TSHZ2: variants seen among roughly 807,000 people sequenced by gnomAD.
TSHZ2 encodes the protein teashirt homolog 2.
In TSHZ2, 21 loss-of-function variants were observed where a neutral mutation model predicts 74.4. That is an observed-to-expected ratio of 0.28 (90% CI 0.20 to 0.41). The LOEUF is 0.41. TSHZ2 is among the 10% of genes least tolerant of loss of function. The pLI is 1.00. For missense variants in TSHZ2, 1,244 were observed against 1,293.5 expected (o/e 0.96, Z 0.59); for synonymous variants, 540 against 515.3 (o/e 1.05, Z -0.65).
chr20:53,139,270 C>G (rs1436156228), intron 1 of TSHZ2, among the ~76,000 whole-genome samples: 1 of 152,196 alleles, frequency 6.6e-6, no homozygotes, highest in African/African-American at 2.4e-5. Context: ...GCAGTATCAC[C>G]TGCTAGTACA....
At chr20:53,446,795 G>A (rs575080752) in intron 2 of TSHZ2, among the ~76,000 whole-genome samples, 1 of 152,102 alleles carries the variant, frequency 6.6e-6, no homozygotes, top group Non-Finnish European at 1.5e-5. Flanking sequence ...ACTCTCTAGT[G>A]GGGGCACAAA....
chr20:53,096,655 G>T (rs1266520292), intron 1 of TSHZ2, among the ~76,000 whole-genome samples: 1 of 151,956 alleles, frequency 6.6e-6, no homozygotes, highest in Non-Finnish European at 1.5e-5. Context: ...GGCCGAGGGG[G>T]GTGGATCACC....
In TSHZ2 at chr20:53,494,456, A is replaced by G. The variant is rs1268331832; in HGVS notation, c.*7321A>G. The G allele has an allele frequency of 1.3e-5, 2 of 152,108 alleles. No homozygotes were observed. The highest frequency in any genetic ancestry group is 2.9e-5 in the Non-Finnish European group (2 of 68,022). The allele number at this position is 152,108 out of a possible 1,614,324, so 9.4% of individuals were successfully genotyped here. A position where few individuals can be genotyped will look rare whatever the true frequency, so the allele number is the denominator to read the frequency against. The stretch of plus-strand genomic sequence containing the variant: ...AGCGTCCCCTTGCTGAATAAAAATG[A>G]CTTTGTTTGGAGGCACTTAAGATGT... On this transcript the variant is annotated 3_prime_UTR_variant, in exon 3 of 3. Transcript: ENST00000371497.
intron 1 of TSHZ2, among the ~76,000 whole-genome samples, chr20:53,190,878 G>A (rs1040382647): frequency 2.6e-5 from 4 of 152,204 alleles, no homozygotes; most frequent in African/African-American, 9.7e-5. Context: ...AAGGACAAAG[G>A]CTGGGATGTT....
At chr20:53,130,670 A>T (rs1472382811) in intron 1 of TSHZ2, among the ~76,000 whole-genome samples, 2 of 152,164 alleles carry the variant, frequency 1.3e-5, no homozygotes, top group Non-Finnish European at 2.9e-5. Flanking sequence ...AACAGGGTCG[A>T]CTGATTTCAG....
At chr20:52,986,415 A>AAG (rs1555812018) in intron 1 of TSHZ2, among the ~76,000 whole-genome samples, 21 of 139,882 alleles carry the variant, frequency 1.5e-4, no homozygotes, top group African/African-American at 5.1e-4. Context: ...AAAAAAAAAA[A>AAG]AAAGAAAGAA....
At chr20:52,996,929 G>A (rs1982218546) in intron 1 of TSHZ2, among the ~76,000 whole-genome samples, 1 of 152,186 alleles carries the variant, frequency 6.6e-6, no homozygotes. Flanking sequence ...CAAGCTGCTG[G>A]CAAAGGTAAT....
intron 2 of TSHZ2, among the ~76,000 whole-genome samples, chr20:53,470,536 C>T (rs1241131380): frequency 6.6e-6 from 1 of 152,140 alleles, no homozygotes; most frequent in Non-Finnish European, 1.5e-5. Flanking sequence ...TAACACTTGG[C>T]CGGGCGCGGT....
intron 1 of TSHZ2, among the ~76,000 whole-genome samples, chr20:53,159,568 T>C (rs1486002036): frequency 3.3e-5 from 5 of 152,084 alleles, no homozygotes; most frequent in African/African-American, 1.2e-4. Context: ...ACACACATAA[T>C]GTCTATTCTT....
chr20:52,991,759 G>A (rs1422012835), intron 1 of TSHZ2, among the ~76,000 whole-genome samples: 1 of 148,200 alleles, frequency 6.7e-6, no homozygotes, highest in Non-Finnish European at 1.5e-5. Context: ...TCTGATGCAT[G>A]ATTTTGTGTG....
intron 1 of TSHZ2, among the ~76,000 whole-genome samples, chr20:53,027,037 A>G (rs1326141061): frequency 6.6e-6 from 1 of 151,960 alleles, no homozygotes; most frequent in East Asian, 1.9e-4. Flanking sequence ...ATTAAATAGT[A>G]CTCTAATGTA....
intron 1 of TSHZ2, among the ~76,000 whole-genome samples, chr20:53,075,443 G>A (rs1470235257): frequency 6.6e-6 from 1 of 152,170 alleles, no homozygotes; most frequent in Admixed American, 6.6e-5. Flanking sequence ...TAGGAAAATA[G>A]GGACACGAAG....
chr20:53,411,712 C>G (rs1239730760), intron 2 of TSHZ2, among the ~76,000 whole-genome samples: 1 of 151,928 alleles, frequency 6.6e-6, no homozygotes, highest in Non-Finnish European at 1.5e-5. Context: ...GCATGTAATC[C>G]CAGCTGCATG....
chr20:53,460,291 C>A (rs1258741866), intron 2 of TSHZ2, among the ~76,000 whole-genome samples: 1 of 151,584 alleles, frequency 6.6e-6, no homozygotes, highest in Non-Finnish European at 1.5e-5. Flanking sequence ...TCCCTTCTCG[C>A]TTCATTTCAT....
At chr20:53,280,759 C>A (rs1991044089) in intron 2 of TSHZ2, among the ~76,000 whole-genome samples, 1 of 152,072 alleles carries the variant, frequency 6.6e-6, no homozygotes, top group Non-Finnish European at 1.5e-5. Context: ...GTGGCGCGAT[C>A]TCAGCTCACT....
rs1482353798 is a variant in TSHZ2 at position 53,254,199 on chromosome 20, G to A, written c.741G>A (p.Lys247=). The A allele has an allele frequency of 7.4e-6, 12 of 1,614,170 alleles. No homozygotes were observed. Among genetic ancestry groups the A allele is most frequent in the Non-Finnish European group, 1.0e-5 (12 of 1,180,036 alleles). The change falls in exon 2 of 3, where the codon AAG becomes AAA. Residue 247 remains lysine (K), a synonymous_variant. Coordinates refer to ENST00000371497, the MANE Select transcript of TSHZ2 (RefSeq NM_173485.6). The part of the protein sequence containing the change: ...TGHYQDDNRK[K]DKLRPTSYSK... ...ACTATCAAGATGACAACCGCAAAAA[G>A]GACAAGCTCAGACCCACGAGCTATT...
At chr20:53,068,022 C>A (rs1427760674) in intron 1 of TSHZ2, among the ~76,000 whole-genome samples, 4 of 152,130 alleles carry the variant, frequency 2.6e-5, no homozygotes, top group Non-Finnish European at 5.9e-5. Flanking sequence ...CTCCCTTCCC[C>A]TGTGCGTCCG....
chr20:53,049,765 A>G (rs1200942019), intron 1 of TSHZ2, among the ~76,000 whole-genome samples: 2 of 151,952 alleles, frequency 1.3e-5, no homozygotes, highest in Non-Finnish European at 2.9e-5. Context: ...CCCTAAGGGG[A>G]AAAAAAGCAG....
chr20:53,261,848 G>A (rs1357213284), intron 2 of TSHZ2, among the ~76,000 whole-genome samples: 1 of 152,158 alleles, frequency 6.6e-6, no homozygotes, highest in Admixed American at 6.5e-5. Context: ...ATGGATTTAT[G>A]TCTTTAAAAT....
Sources: allele counts gnomAD v4.1 joint callset (sites outside exome capture counted in the v4.1 genomes callset), GRCh38; gene constraint gnomAD v4.1.1; transcripts MANE v1.5; gene names NCBI Gene and HGNC (gene_info 2026-07-23, HGNC 2026-07-21).